MAPK8: variants seen among roughly 807,000 people sequenced by gnomAD.
The protein encoded by MAPK8 is JUN N-terminal kinase.
Under a neutral mutation model 52.9 loss-of-function variants are expected in MAPK8, and 13 were observed. The observed-to-expected ratio is 0.25, with a 90% CI of 0.16 to 0.39. The LOEUF is 0.39. Ranked by LOEUF, MAPK8 falls within the 10% of genes least tolerant of loss-of-function variation. The pLI, the probability that MAPK8 is intolerant of heterozygous loss-of-function variation, is 1.00. For missense variants in MAPK8, 300 were observed against 519.2 expected (o/e 0.58, Z 4.10); for synonymous variants, 191 against 169.8 (o/e 1.12, Z -0.97).
At chr10:48,329,196 C>T (rs898487067) in intron 1 of MAPK8, among the ~76,000 whole-genome samples, 16 of 152,300 alleles carry the variant, frequency 1.1e-4, no homozygotes, top group South Asian at 6.2e-4. Flanking sequence ...TGGCTCCAGA[C>T]GCCAGACTCC....
chr10:48,392,004 G>A (rs190760133), intron 1 of MAPK8, among the ~76,000 whole-genome samples: 1 of 152,232 alleles, frequency 6.6e-6, no homozygotes, highest in Non-Finnish European at 1.5e-5. Flanking sequence ...TCAGCTATCC[G>A]AAAGTTCCCT....
At chr10:48,413,805 G>T (rs2042889699) in intron 5 of MAPK8, among the ~76,000 whole-genome samples, 1 of 96,006 alleles carries the variant, frequency 1.0e-5, no homozygotes, top group Non-Finnish European at 2.0e-5. Flanking sequence ...TTGAGTATTT[G>T]CCAGAATTGT....
At chr10:48,331,603 G>A (rs889434146) in intron 1 of MAPK8, among the ~76,000 whole-genome samples, 5 of 152,194 alleles carry the variant, frequency 3.3e-5, no homozygotes, top group Admixed American at 2.6e-4. Flanking sequence ...CTTGGGTGGA[G>A]CTTGTCTTCT....
Position 48,401,732 on chromosome 10 carries a change from A to G in MAPK8, c.72A>G (p.Lys24=), listed in dbSNP as rs751861105. The part of the protein sequence containing the change: ...EIGDSTFTVL[K]RYQNLKPIGS... Reference sequence around the variant, plus strand: ...GAGATTCTACATTCACAGTCCTGAAACGATATCAGAATTTAAAACCTATAG... The same window carrying G: ...GAGATTCTACATTCACAGTCCTGAAGCGATATCAGAATTTAAAACCTATAG... The change falls in exon 2 of 12, where the codon AAA becomes AAG. Residue 24 remains lysine, a synonymous_variant. Coordinates refer to ENST00000374189, the MANE Select transcript of MAPK8 (RefSeq NM_001323329.2). 2 of 1,581,974 alleles carry G rather than the reference A, an allele frequency of 1.3e-6. No individual in the cohort carries two copies. The highest frequency in any genetic ancestry group is 1.7e-6 in the Non-Finnish European group (2 of 1,168,922).
At chr10:48,354,928 C>T (rs981153172) in intron 1 of MAPK8, among the ~76,000 whole-genome samples, 5 of 152,266 alleles carry the variant, frequency 3.3e-5, no homozygotes, top group Middle Eastern at 3.4e-3. Flanking sequence ...ATCTCCATCC[C>T]AGAGTTGAAA....
rs564975781 is a variant in MAPK8, at chr10:48,349,179, G to A, written c.-50+42358G>A. On this transcript the variant is annotated intron_variant, in intron 1 of 11. Transcript: ENST00000374189. The stretch of plus-strand genomic sequence containing the variant: ...CTTAGACCCCCGTACAATAATAGTG[G>A]GCGACTTAATACCCAACTGTCAATA... Among the ~76,000 whole-genome samples the A allele has an allele frequency of 2.6e-5, 4 of 152,118 alleles. No individual in the cohort carries two copies. In the East Asian group the frequency reaches 7.7e-4, roughly 29 times the overall value.
At chr10:48,366,269 C>T (rs1848024183) in intron 1 of MAPK8, among the ~76,000 whole-genome samples, 1 of 151,662 alleles carries the variant, frequency 6.6e-6, no homozygotes, top group Non-Finnish European at 1.5e-5. Flanking sequence ...CAAAAAAAAC[C>T]CCTAAGAACC....
intron 2 of MAPK8, 48 bp from the exon 3 acceptor site, chr10:48,404,804 G>A (rs762363925): frequency 1.5e-5 from 22 of 1,505,880 alleles, no homozygotes; most frequent in Non-Finnish European, 1.9e-5. Context: ...TCAGTTTACA[G>A]ATTTTTGCTT....
At chr10:48,316,657 G>A (rs914652545) in intron 1 of MAPK8, among the ~76,000 whole-genome samples, 3 of 152,226 alleles carry the variant, frequency 2.0e-5, no homozygotes, top group Non-Finnish European at 4.4e-5. Flanking sequence ...AAGCACAGGA[G>A]TGAGAGGGTG....
At chr10:48,353,530 G>A (rs1355912569) in intron 1 of MAPK8, among the ~76,000 whole-genome samples, 1 of 152,158 alleles carries the variant, frequency 6.6e-6, no homozygotes, top group African/African-American at 2.4e-5. Context: ...GATAGCCATA[G>A]GCAACAAAAT....
In MAPK8 at chr10:48,417,784, T is replaced by TAGTA. The variant is rs1361838727; in HGVS notation, c.451-2370_451-2367dup. On this transcript the variant is annotated intron_variant, in intron 5 of 11. Transcript: ENST00000374189. ...TCTACCATACTTTCTTCCAGGGGTC[T>TAGTA]AGTAGCATTTAGCTTTTCCAAAATG... Among the ~76,000 whole-genome samples the TAGTA allele has an allele frequency of 9.9e-4, 151 of 152,216 alleles. 1 individual carries two copies. Among genetic ancestry groups the TAGTA allele is most frequent in the African/African-American group, 3.5e-3 (147 of 41,460 alleles).
intron 6 of MAPK8, among the ~76,000 whole-genome samples, chr10:48,421,582 A>G (rs1479676459): frequency 6.6e-6 from 1 of 152,152 alleles, no homozygotes; most frequent in East Asian, 1.9e-4. Context: ...AGGCTCGTGG[A>G]TCACTCGAGG....
intron 1 of MAPK8, among the ~76,000 whole-genome samples, chr10:48,372,993 G>A (rs772930035): frequency 1.3e-5 from 2 of 152,074 alleles, no homozygotes; most frequent in African/African-American, 2.4e-5. Flanking sequence ...GAGAAAGGTC[G>A]GGTTACCCAC....
intron 1 of MAPK8, among the ~76,000 whole-genome samples, chr10:48,400,404 A>G (rs892069593): frequency 2.6e-5 from 4 of 152,158 alleles, no homozygotes; most frequent in African/African-American, 9.7e-5. Flanking sequence ...TAACTCCTTT[A>G]GGCCTAAGAC....
At chr10:48,307,366 G>A (rs536776943) in intron 1 of MAPK8, among the ~76,000 whole-genome samples, 1 of 152,164 alleles carries the variant, frequency 6.6e-6, no homozygotes, top group African/African-American at 2.4e-5. Flanking sequence ...CGCTGAAAAG[G>A]GCCAGAGTGG....
At chr10:48,370,118 G>C in intron 1 of MAPK8, among the ~76,000 whole-genome samples, 1 of 152,198 alleles carries the variant, frequency 6.6e-6, no homozygotes, top group East Asian at 1.9e-4. Flanking sequence ...GATTCTTCAG[G>C]GCACTATTAC....
chr10:48,373,076 A>G (rs2040422856), intron 1 of MAPK8, among the ~76,000 whole-genome samples: 1 of 152,188 alleles, frequency 6.6e-6, no homozygotes, highest in Non-Finnish European at 1.5e-5. Context: ...AGTGGGGGCT[A>G]ATATTCAACA....
chr10:48,312,489 T>C (rs982332067), intron 1 of MAPK8, among the ~76,000 whole-genome samples: 1 of 152,192 alleles, frequency 6.6e-6, no homozygotes, highest in African/African-American at 2.4e-5. Context: ...ACCATATTTC[T>C]GGGGAAACTA....
intron 1 of MAPK8, among the ~76,000 whole-genome samples, chr10:48,316,600 A>G (rs987767076): frequency 6.6e-6 from 1 of 152,224 alleles, no homozygotes; most frequent in Admixed American, 6.5e-5. Flanking sequence ...GAATGAATGT[A>G]GACAGGAGGG....
Sources: allele counts gnomAD v4.1 joint callset (sites outside exome capture counted in the v4.1 genomes callset), GRCh38; gene constraint gnomAD v4.1.1; transcripts MANE v1.5; gene names NCBI Gene and HGNC (gene_info 2026-07-23, HGNC 2026-07-21).